Variants in TSNAX observed in about 807,000 individuals in gnomAD.
TSNAX encodes translin-associated protein X.
Under a neutral mutation model 33.0 loss-of-function variants are expected in TSNAX, and 12 were observed. That is an observed-to-expected ratio of 0.36 (90% CI 0.23 to 0.59). The LOEUF (loss-of-function observed/expected upper bound fraction) is 0.59, where lower values mean the gene tolerates loss of function less well. TSNAX is among the 20% of genes least tolerant of loss of function. The probability of loss-of-function intolerance (pLI) is 0.74; values close to 1 mark genes in which losing one functional copy is unlikely to be tolerated. For missense variants in TSNAX, 267 were observed against 341.3 expected (o/e 0.78, Z 1.72); for synonymous variants, 110 against 117.2 (o/e 0.94, Z 0.40).
At chr1:231,536,731 C>T (rs541084613) in intron 2 of TSNAX, 1 of 152,232 alleles carries the variant, frequency 6.6e-6, no homozygotes, top group South Asian at 2.1e-4. Flanking sequence ...TTTATAATCA[C>T]CTTTTTGTGT....
chr1:231,534,200 TA>T (rs1451909662), intron 2 of TSNAX: 1 of 152,230 alleles, frequency 6.6e-6, no homozygotes, highest in Non-Finnish European at 1.5e-5. Context: ...GCTGGAATAC[TA>T]CATAAATGAT....
chr1:231,544,845 A>G (rs1257564509), intron 4 of TSNAX, among the ~76,000 whole-genome samples: 1 of 152,222 alleles, frequency 6.6e-6, no homozygotes, highest in East Asian at 1.9e-4. Context: ...TACTCTTGGA[A>G]AGATAGGACA....
chr1:231,533,445 A>G (rs80335687), intron 2 of TSNAX, among the ~76,000 whole-genome samples: 22 of 152,326 alleles, frequency 1.4e-4, no homozygotes, highest in Non-Finnish European at 2.4e-4. Flanking sequence ...ACAAAATTTC[A>G]TGAGATAGTA....
chr1:231,559,443 C>G (rs1660898984), intron 4 of TSNAX, among the ~76,000 whole-genome samples: 2 of 151,792 alleles, frequency 1.3e-5, no homozygotes, highest in Admixed American at 1.3e-4. Flanking sequence ...ATTCTCCTGC[C>G]TCAGCCTCCA....
At chr1:231,536,435 A>G (rs1413550814) in intron 2 of TSNAX, 1 of 152,234 alleles carries the variant, frequency 6.6e-6, no homozygotes, top group African/African-American at 2.4e-5. Flanking sequence ...TTAAGATACA[A>G]TACACATACT....
In TSNAX at chr1:231,531,291, T is replaced by G. The variant is rs148787106; in HGVS notation, c.121+1932T>G. Among the ~76,000 whole-genome samples, 39 of 152,280 alleles carry G rather than the reference T, an allele frequency of 2.6e-4. 1 individual carries two copies. Among genetic ancestry groups the G allele is most frequent in the African/African-American group, 8.2e-4 (34 of 41,554 alleles). On this transcript the variant is annotated intron_variant, in intron 2 of 5. Coordinates refer to ENST00000366639, the MANE Select transcript of TSNAX (RefSeq NM_005999.3). Reference sequence around the variant, plus strand: ...AATTTTCTTTAAGACCTAGCTCAAGTAGCCTCTTTCCTGTGAATGCGTTCT... The same window carrying G: ...AATTTTCTTTAAGACCTAGCTCAAGGAGCCTCTTTCCTGTGAATGCGTTCT...
chr1:231,547,389 C>CTTTTTTTTTTTTTT (rs71179784), intron 4 of TSNAX, among the ~76,000 whole-genome samples: 17 of 104,688 alleles, frequency 1.6e-4, no homozygotes, highest in Non-Finnish European at 2.5e-4. Context: ...TTTTTTTTTT[C>CTTTTTTTTTTTTTT]TTTTTTTTTT....
chr1:231,561,007 G>A lies in TSNAX; in HGVS notation c.368-121G>A, dbSNP rs2124946016. ...AAGTGTCTAGTCTAGTACTGGCATT[G>A]TAGTAGGCATCCATTAAGCTTTTTT... On this transcript the variant is annotated intron_variant, in intron 4 of 5. Coordinates refer to ENST00000366639, the MANE Select transcript of TSNAX (RefSeq NM_005999.3). The A allele has an allele frequency of 6.4e-6, 6 of 936,194 alleles. No individual in the cohort carries two copies. In the South Asian group the frequency reaches 9.3e-5, roughly 14 times the overall value. The allele number at this position is 936,194 out of a possible 1,614,324, so 58.0% of individuals were successfully genotyped here.
chr1:231,557,462 A>G (rs1446850101), intron 4 of TSNAX, among the ~76,000 whole-genome samples: 5 of 152,168 alleles, frequency 3.3e-5, no homozygotes, highest in Non-Finnish European at 7.3e-5. Context: ...AGCAAGAACT[A>G]TTTTGTTTTA....
At chr1:231,558,806 C>A (rs1216276662) in intron 4 of TSNAX, among the ~76,000 whole-genome samples, 1 of 152,038 alleles carries the variant, frequency 6.6e-6, no homozygotes, top group East Asian at 1.9e-4. Flanking sequence ...TAAATGACAT[C>A]ATCTGTTTTG....
chr1:231,558,607 AT>A (rs952965538), intron 4 of TSNAX, among the ~76,000 whole-genome samples: 9 of 152,258 alleles, frequency 5.9e-5, no homozygotes, highest in African/African-American at 2.2e-4. Flanking sequence ...GGCTAACCAC[AT>A]TAGAGCATGG....
chr1:231,560,417 C>CT (rs1327927242), intron 4 of TSNAX, among the ~76,000 whole-genome samples: 1 of 90,196 alleles, frequency 1.1e-5, no homozygotes, highest in Non-Finnish European at 2.2e-5. Context: ...CCCCCCCCCC[C>CT]CTTTTTTTTT....
intron 4 of TSNAX, among the ~76,000 whole-genome samples, chr1:231,553,744 T>C (rs1326564250): frequency 1.3e-5 from 2 of 149,324 alleles, no homozygotes; most frequent in African/African-American, 2.5e-5. Flanking sequence ...TGGAGTGCAA[T>C]GGCGAGATCT....
At position 231,528,719 on chromosome 1, in the gene TSNAX, TG is replaced by T. The variant is rs1223289696; in HGVS notation, c.-91del. On this transcript the variant is annotated 5_prime_UTR_variant, in exon 1 of 6. Coordinates refer to ENST00000366639, the MANE Select transcript of TSNAX (RefSeq NM_005999.3). ...GGCTGCAAAGCGTTTTTCTGCAGGC[TG>T]TTTTCCCAGGTTCCCTCGGCCTGTA... 2 of 1,506,464 alleles carry T rather than the reference TG, an allele frequency of 1.3e-6. No homozygotes were observed. Among genetic ancestry groups the T allele is most frequent in the African/African-American group, 2.8e-5 (2 of 72,536 alleles). The allele number at this position is 1,506,464 out of a possible 1,614,324, so 93.3% of individuals were successfully genotyped here. A position where few individuals can be genotyped will look rare whatever the true frequency, so the allele number is the denominator to read the frequency against.
chr1:231,536,492 A>G (rs1659183084), intron 2 of TSNAX: 2 of 152,234 alleles, frequency 1.3e-5, no homozygotes, highest in Admixed American at 6.5e-5. Context: ...TTTAATATAC[A>G]CGTGCTACCT....
At chr1:231,529,959 C>T (rs1235375237) in intron 2 of TSNAX, among the ~76,000 whole-genome samples, 4 of 152,220 alleles carry the variant, frequency 2.6e-5, no homozygotes, top group Non-Finnish European at 4.4e-5. Context: ...AAGGGCTTAG[C>T]TGGTTGATTC....
chr1:231,564,844 T>A lies in TSNAX; in HGVS notation c.812T>A (p.Met271Lys). The A allele has an allele frequency of 6.2e-7, 1 of 1,614,172 alleles. No individual in the cohort carries two copies. Among genetic ancestry groups the A allele is most frequent in the Non-Finnish European group, 8.5e-7 (1 of 1,180,026 alleles). The change falls in exon 6 of 6, where the codon ATG (methionine) becomes AAG (lysine). Residue 271 changes from methionine to lysine, a missense_variant. Transcript: ENST00000366639. ...KVRGSEIPKH[M>K]LADVFSVKTE... is the part of the protein sequence containing the mutation. Reference sequence around the variant, plus strand: ...AGAGGGTCAGAAATTCCAAAACATATGTTGGCAGATGTGTTTTCAGTTAAA... The same window carrying A: ...AGAGGGTCAGAAATTCCAAAACATAAGTTGGCAGATGTGTTTTCAGTTAAA...
intron 3 of TSNAX, among the ~76,000 whole-genome samples, chr1:231,537,623 C>T (rs1228641930): frequency 2.6e-5 from 4 of 151,828 alleles, no homozygotes; most frequent in Non-Finnish European, 5.9e-5. Flanking sequence ...TGCCTATCAT[C>T]CCGGCTACTT....
At chr1:231,564,247 G>A (rs1661291141) in intron 5 of TSNAX, among the ~76,000 whole-genome samples, 1 of 152,182 alleles carries the variant, frequency 6.6e-6, no homozygotes, top group Non-Finnish European at 1.5e-5. Flanking sequence ...TGTACATCAA[G>A]TGGAGTTGGA....
Sources: gnomAD v4.1 joint callset for allele counts (sites outside exome capture counted in the v4.1 genomes callset) on GRCh38, gnomAD v4.1.1 for gene constraint, MANE v1.5 for transcripts, NCBI Gene and HGNC (gene_info 2026-07-23, HGNC 2026-07-21) for gene names.